Variants in PTK2B observed in about 807,000 individuals in gnomAD.
PTK2B encodes the protein protein-tyrosine kinase 2-beta.
Under a neutral mutation model 142.9 loss-of-function variants are expected in PTK2B, and 71 were observed. The observed-to-expected ratio is 0.50, with a 90% CI of 0.41 to 0.61. The LOEUF (loss-of-function observed/expected upper bound fraction) is 0.61. Ranked by LOEUF, PTK2B falls within the 20% of genes least tolerant of loss-of-function variation. PTK2B has a pLI of 0.00. For synonymous variants in PTK2B, 519 were observed against 503.4 expected, an observed-to-expected ratio of 1.03 and a Z score of -0.42; for missense variants, 1,105 against 1,320.4, an observed-to-expected ratio of 0.84 and a Z score of 2.53.
chr8:27,351,026 T>C (rs1324541855), intron 1 of PTK2B, among the ~76,000 whole-genome samples: 1 of 79,720 alleles, frequency 1.3e-5, no homozygotes, highest in Non-Finnish European at 2.3e-5. Context: ...TATATATATA[T>C]ATATATATAT....
intron 2 of PTK2B, among the ~76,000 whole-genome samples, chr8:27,418,716 A>G (rs1009395895): frequency 6.6e-6 from 1 of 152,318 alleles, no homozygotes; most frequent in Non-Finnish European, 1.5e-5. Flanking sequence ...GTGGAACTAC[A>G]TGAGAAACCT....
intron 5 of PTK2B, among the ~76,000 whole-genome samples, chr8:27,427,339 G>C (rs1017860849): frequency 1.3e-5 from 2 of 152,056 alleles, no homozygotes; most frequent in African/African-American, 4.8e-5. Context: ...AGCCCCCTTT[G>C]CAAAACCACT....
intron 2 of PTK2B, among the ~76,000 whole-genome samples, chr8:27,400,167 A>G (rs1251069426): frequency 6.6e-6 from 1 of 152,246 alleles, no homozygotes; most frequent in Non-Finnish European, 1.5e-5. Context: ...GCAAGATGTT[A>G]AGAAGTGTGC....
chr8:27,431,362 G>C, intron 8 of PTK2B, 36 bp from the exon 9 acceptor site: 1 of 1,614,072 alleles, frequency 6.2e-7, no homozygotes, highest in South Asian at 1.1e-5. Flanking sequence ...GGGGAGGACA[G>C]CTCTGGAACA....
At chr8:27,439,754 C>T (rs969274711) in intron 20 of PTK2B, among the ~76,000 whole-genome samples, 4 of 152,122 alleles carry the variant, frequency 2.6e-5, no homozygotes, top group African/African-American at 7.2e-5. Context: ...CAGCCCCTTA[C>T]GGAACACCTC....
chr8:27,336,704 C>G (rs1185322455), intron 1 of PTK2B, among the ~76,000 whole-genome samples: 1 of 152,236 alleles, frequency 6.6e-6, no homozygotes, highest in Non-Finnish European at 1.5e-5. Flanking sequence ...TCACTCCCAT[C>G]TCTGACATCA....
chr8:27,420,831 A>C, intron 4 of PTK2B, 87 bp downstream of exon 4: 1 of 1,273,018 alleles, frequency 7.9e-7, no homozygotes, highest in Non-Finnish European at 1.1e-6. Flanking sequence ...GGAGATGGAA[A>C]GACAAAGCCC....
chr8:27,368,738 C>T lies in PTK2B; in HGVS notation c.-37-28810C>T, dbSNP rs182359927. On this transcript the variant is annotated intron_variant, in intron 1 of 30. Coordinates refer to ENST00000346049, the MANE Select transcript of PTK2B (RefSeq NM_173176.3). The stretch of plus-strand genomic sequence containing the variant: ...TATTCAGGTCCAGGGAGAAGGAAGC[C>T]ACCTGTCCCACTTGGCCATGGAGCT... Among the ~76,000 whole-genome samples, 17 of 152,302 alleles carry T rather than the reference C, an allele frequency of 1.1e-4. No individual in the cohort carries two copies. The East Asian group carries it at 2.7e-3, about 24-fold the overall frequency.
intron 27 of PTK2B, 144 bp from the exon 28 acceptor site, chr8:27,452,970 C>A (rs1177393125): frequency 3.2e-6 from 3 of 949,552 alleles, no homozygotes; most frequent in South Asian, 3.3e-5. Context: ...GGTTCCTTCC[C>A]CTGCCCGCTT....
chr8:27,422,245 T>C (rs1027179920), intron 4 of PTK2B, 59 bp from the exon 5 acceptor site: 51 of 1,508,762 alleles, frequency 3.4e-5, no homozygotes, highest in Non-Finnish European at 4.4e-5. Context: ...CTGAGGCCTC[T>C]GTGCAGGGAA....
chr8:27,446,681 C>T (rs1811493871), intron 24 of PTK2B, among the ~76,000 whole-genome samples: 1 of 152,218 alleles, frequency 6.6e-6, no homozygotes, highest in Non-Finnish European at 1.5e-5. Flanking sequence ...CTTATTTTAG[C>T]TCTAACTCTG....
chr8:27,427,980 T>C (rs1810188012), intron 5 of PTK2B, among the ~76,000 whole-genome samples: 1 of 152,022 alleles, frequency 6.6e-6, no homozygotes. Context: ...ATTTCTATTA[T>C]TATTACATTA....
At chr8:27,413,725 G>A (rs114837124) in intron 2 of PTK2B, among the ~76,000 whole-genome samples, 1,804 of 152,284 alleles carry the variant, frequency 0.012, 38 homozygotes, top group African/African-American at 0.041. Flanking sequence ...AGTACATTCT[G>A]AGGCTGAATG....
intron 5 of PTK2B, among the ~76,000 whole-genome samples, chr8:27,423,006 A>G (rs1358991357): frequency 1.3e-5 from 2 of 152,210 alleles, no homozygotes; most frequent in African/African-American, 4.8e-5. Context: ...TCAGCAGAGA[A>G]CAGGGGTCAG....
chr8:27,397,522 G>A (rs754320856), intron 1 of PTK2B, 26 bp from the exon 2 acceptor site: 6 of 1,575,924 alleles, frequency 3.8e-6, no homozygotes, highest in South Asian at 2.2e-5. Context: ...GGCTCTTTCA[G>A]GGCTGACCCT....
At chr8:27,312,378 T>C (rs1802996403) in exon 2 of PTK2B, 1 of 152,186 alleles carries the variant, frequency 6.6e-6, no homozygotes, top group Admixed American at 6.5e-5. Context: ...TATTCCCAAT[T>C]ATAAGAGATG....
rs1225129269 is a variant in PTK2B, at chr8:27,433,455, A to G, written c.1008A>G (p.Ser336=). The G allele has an allele frequency of 1.2e-6, 2 of 1,614,090 alleles. No homozygotes were observed. Among genetic ancestry groups the G allele is most frequent in the Non-Finnish European group, 1.7e-6 (2 of 1,179,938 alleles). ...CGCAGGCCTTGTCCATCAAAACCTC[A>G]TCCCTAGCAGAGGCTGAGAACATGG... The part of the protein sequence containing the change: ...GAPQALSIKT[S]SLAEAENMAD... Residue 336 remains serine (S), a synonymous_variant, in exon 11 of 31, where the codon TCA becomes TCG. Transcript: ENST00000346049.
intron 2 of PTK2B, among the ~76,000 whole-genome samples, chr8:27,410,521 T>A (rs1331909756): frequency 6.6e-6 from 1 of 152,246 alleles, no homozygotes; most frequent in African/African-American, 2.4e-5. Flanking sequence ...TCAGCTGTCA[T>A]GTTGTTTTCA....
At chr8:27,434,470 G>T (rs143753930) in intron 12 of PTK2B, 43 bp from the exon 13 acceptor site, 5 of 1,584,842 alleles carry the variant, frequency 3.2e-6, no homozygotes, top group South Asian at 1.1e-5. Context: ...GAACATTACC[G>T]GCCTCTGAGC....
Sources: gnomAD v4.1 joint callset for allele counts (sites outside exome capture counted in the v4.1 genomes callset) on GRCh38, gnomAD v4.1.1 for gene constraint, MANE v1.5 for transcripts, NCBI Gene and HGNC (gene_info 2026-07-23, HGNC 2026-07-21) for gene names.